NFIL3: variants seen among roughly 807,000 people sequenced by gnomAD.
NFIL3 encodes the protein nuclear factor, interleukin 3 regulated.
A neutral mutation model predicts 10.0 loss-of-function variants in NFIL3; 5 were observed. The ratio of observed to expected loss-of-function variants is 0.50; its 90% CI spans 0.26 to 1.06. NFIL3 has a LOEUF of 1.06. NFIL3 is among the 50% of genes least tolerant of loss of function. The probability of loss-of-function intolerance (pLI) is 0.13; values close to 1 mark genes in which losing one functional copy is unlikely to be tolerated. For synonymous variants in NFIL3, 202 were observed against 206.5 expected (o/e 0.98, Z 0.19); for missense variants, 436 against 547.6 (o/e 0.80, Z 2.03).
chr9:91,433,078 A>G, the NFIL3 span, among the ~76,000 whole-genome samples: 2 of 152,342 alleles, frequency 1.3e-5, no homozygotes, highest in African/African-American at 4.8e-5. Context: ...CAGGAAAAAA[A>G]AGAATTATCA....
chr9:91,415,065 AC>A, intron 1 of NFIL3, among the ~76,000 whole-genome samples: 1 of 152,206 alleles, frequency 6.6e-6, no homozygotes, highest in Admixed American at 6.5e-5. Flanking sequence ...TTTATTCAAC[AC>A]ATATGGAGCA....
At chr9:91,456,214 G>A in the NFIL3 span, among the ~76,000 whole-genome samples, 1 of 152,132 alleles carries the variant, frequency 6.6e-6, no homozygotes, top group South Asian at 2.1e-4. Context: ...AATTGTTCCA[G>A]CACTTTCAAC....
the NFIL3 span, among the ~76,000 whole-genome samples, chr9:91,464,646 A>G: frequency 6.6e-6 from 1 of 151,968 alleles, no homozygotes; most frequent in Non-Finnish European, 1.5e-5. Context: ...ATTTTGACCT[A>G]TGTTATTTCC....
At chr9:91,467,795 T>C in the NFIL3 span, among the ~76,000 whole-genome samples, 1 of 152,158 alleles carries the variant, frequency 6.6e-6, no homozygotes, top group African/African-American at 2.4e-5. Context: ...TGTTTGGTTT[T>C]CTGTCCTTGC....
chr9:91,478,632 G>GC, the NFIL3 span, among the ~76,000 whole-genome samples: 3 of 151,970 alleles, frequency 2.0e-5, no homozygotes, highest in Non-Finnish European at 4.4e-5. Flanking sequence ...ACCTTCTGAA[G>GC]CCTACTTCTG....
the NFIL3 span, among the ~76,000 whole-genome samples, chr9:91,441,707 C>T: frequency 4.6e-5 from 7 of 152,130 alleles, no homozygotes; most frequent in Middle Eastern, 3.2e-3. Flanking sequence ...TTGCATAAAA[C>T]TTCTTATAGT....
At chr9:91,443,896 TA>T in the NFIL3 span, among the ~76,000 whole-genome samples, 1 of 152,236 alleles carries the variant, frequency 6.6e-6, no homozygotes, top group Admixed American at 6.5e-5. Context: ...AGCTTGATTA[TA>T]ATGTACCCCA....
chr9:91,412,633 C>T (rs987715408), intron 1 of NFIL3, among the ~76,000 whole-genome samples: 4 of 152,108 alleles, frequency 2.6e-5, no homozygotes, highest in Non-Finnish European at 5.9e-5. Context: ...CACCTGAGGT[C>T]AGGAGTTCGA....
At chr9:91,472,062 C>T in the NFIL3 span, among the ~76,000 whole-genome samples, 803 of 152,322 alleles carry the variant, frequency 5.3e-3, 5 homozygotes, top group African/African-American at 0.019. Context: ...AGGGTTTCTG[C>T]CGAGAGATCA....
chr9:91,482,748 C>T, the NFIL3 span, among the ~76,000 whole-genome samples: 2 of 152,040 alleles, frequency 1.3e-5, no homozygotes, highest in Non-Finnish European at 2.9e-5. Context: ...GGTGATCTGC[C>T]CATCTCAGCC....
At chr9:91,479,073 G>A in the NFIL3 span, among the ~76,000 whole-genome samples, 19 of 152,326 alleles carry the variant, frequency 1.2e-4, 1 homozygote, top group South Asian at 3.9e-3. Flanking sequence ...TGTATGAGGT[G>A]TCCGTCAACC....
chr9:91,425,240 A>T (rs1833858270), upstream of NFIL3, among the ~76,000 whole-genome samples: 1 of 152,254 alleles, frequency 6.6e-6, no homozygotes, highest in South Asian at 2.1e-4. Flanking sequence ...AGAAGAGCAG[A>T]GTGAACACCC....
the NFIL3 span, among the ~76,000 whole-genome samples, chr9:91,432,998 A>T: frequency 6.6e-6 from 1 of 152,286 alleles, no homozygotes; most frequent in South Asian, 2.1e-4. Flanking sequence ...TTCCTATTTA[A>T]GTAGGAAAAT....
upstream of NFIL3, among the ~76,000 whole-genome samples, chr9:91,425,874 T>A (rs1291384864): frequency 1.3e-5 from 2 of 152,202 alleles, no homozygotes; most frequent in Non-Finnish European, 2.9e-5. Context: ...CAAAATCATA[T>A]CCATATTAGT....
the NFIL3 span, among the ~76,000 whole-genome samples, chr9:91,480,407 A>T: frequency 1.6e-4 from 25 of 152,278 alleles, no homozygotes; most frequent in East Asian, 4.8e-3. Context: ...GAAACATAGA[A>T]TATTCTACTA....
the NFIL3 span, among the ~76,000 whole-genome samples, chr9:91,436,501 C>T: frequency 6.6e-6 from 1 of 152,126 alleles, no homozygotes; most frequent in South Asian, 2.1e-4. Context: ...TGGCGTGAAT[C>T]CGGGTGGCGG....
chr9:91,422,002 A>G (rs1833779802), intron 1 of NFIL3, among the ~76,000 whole-genome samples: 1 of 152,178 alleles, frequency 6.6e-6, no homozygotes, highest in African/African-American at 2.4e-5. Flanking sequence ...CTACTAACCT[A>G]TATCTGTTTC....
chr9:91,421,584 C>G (rs1387359590), intron 1 of NFIL3, among the ~76,000 whole-genome samples: 2 of 152,182 alleles, frequency 1.3e-5, no homozygotes, highest in Non-Finnish European at 2.9e-5. Context: ...TCGCAGACCC[C>G]ACCGGCCCGC....
chr9:91,428,036 T>C (rs896336129), upstream of NFIL3, among the ~76,000 whole-genome samples: 3 of 152,180 alleles, frequency 2.0e-5, no homozygotes, highest in Admixed American at 1.3e-4. Context: ...TGTGTGCTTT[T>C]TGCTGGGATT....
Sources: gnomAD v4.1 joint callset for allele counts (sites outside exome capture counted in the v4.1 genomes callset) on GRCh38, gnomAD v4.1.1 for gene constraint, MANE v1.5 for transcripts, NCBI Gene and HGNC (gene_info 2026-07-23, HGNC 2026-07-21) for gene names.